Variants in PIK3R3 observed in about 807,000 individuals in gnomAD.
PIK3R3 encodes the protein phosphatidylinositol 3-kinase regulatory subunit gamma.
Under a neutral mutation model 62.9 loss-of-function variants are expected in PIK3R3, and 64 were observed. The ratio of observed to expected loss-of-function variants is 1.02; its 90% CI spans 0.83 to 1.25. The LOEUF (loss-of-function observed/expected upper bound fraction) is 1.25. Ranked by LOEUF, PIK3R3 falls within the 50% of genes most tolerant of loss-of-function variation. The pLI, the probability that PIK3R3 is intolerant of heterozygous loss-of-function variation, is 0.00. For synonymous variants in PIK3R3, 165 were observed against 189.0 expected (o/e 0.87, Z 1.04); for missense variants, 614 against 561.6 (o/e 1.09, Z -0.94).
intron 1 of PIK3R3, among the ~76,000 whole-genome samples, chr1:46,103,321 G>A (rs933487756): frequency 2.0e-5 from 3 of 152,142 alleles, no homozygotes; most frequent in African/African-American, 7.2e-5. Context: ...ACTCACACCT[G>A]TAATCCTAGC....
chr1:46,122,828 T>C (rs1444334553), intron 1 of PIK3R3, among the ~76,000 whole-genome samples: 2 of 152,158 alleles, frequency 1.3e-5, no homozygotes, highest in Non-Finnish European at 2.9e-5. Flanking sequence ...ATGCTGATAA[T>C]AAATAATATT....
chr1:46,083,211 A>G (rs1650765710), intron 1 of PIK3R3, among the ~76,000 whole-genome samples: 1 of 152,274 alleles, frequency 6.6e-6, no homozygotes, highest in Non-Finnish European at 1.5e-5. Context: ...ACATGCAAAA[A>G]GAATGAAGTT....
rs1423950993 is a variant in PIK3R3, at chr1:46,131,978, G to A, written c.-26C>T. The A allele has an allele frequency of 1.9e-6, 3 of 1,608,624 alleles. No individual in the cohort carries two copies. The highest frequency in any genetic ancestry group is 2.2e-5 in the South Asian group (2 of 89,882). ...CGCGCTGTCAGGGGCAGGTCGCCAG[G>A]AGATATATAGAAGGCATATATTTTT... On this transcript the variant is annotated 5_prime_UTR_variant, in exon 1 of 10. Transcript: ENST00000262741.
At chr1:46,160,973 G>A in the PIK3R3 span, among the ~76,000 whole-genome samples, 1 of 152,134 alleles carries the variant, frequency 6.6e-6, no homozygotes, top group African/African-American at 2.4e-5. Context: ...TGTAGTTAAG[G>A]AGATAGTCTG....
At chr1:46,097,686 A>G (rs550383985) in intron 1 of PIK3R3, among the ~76,000 whole-genome samples, 116 of 151,682 alleles carry the variant, frequency 7.6e-4, no homozygotes, top group Admixed American at 2.2e-3. Flanking sequence ...TCAGGAGTTC[A>G]AGACCAGCCT....
At chr1:46,050,382 T>C (rs1647254417) in intron 7 of PIK3R3, among the ~76,000 whole-genome samples, 1 of 151,996 alleles carries the variant, frequency 6.6e-6, no homozygotes, top group African/African-American at 2.4e-5. Context: ...CTGGCCAACA[T>C]GGTGAAACCC....
chr1:46,143,279 G>A, the PIK3R3 span, among the ~76,000 whole-genome samples: 4 of 152,162 alleles, frequency 2.6e-5, no homozygotes, highest in South Asian at 8.3e-4. Flanking sequence ...AATGACCCAG[G>A]CTGGTCAGTC....
chr1:46,164,902 A>T, the PIK3R3 span, among the ~76,000 whole-genome samples: 1 of 151,386 alleles, frequency 6.6e-6, no homozygotes, highest in Non-Finnish European at 1.5e-5. Context: ...TGGCATGATC[A>T]TATCTCGTTG....
intron 6 of PIK3R3, among the ~76,000 whole-genome samples, chr1:46,059,125 T>C (rs1166586505): frequency 1.3e-5 from 2 of 152,246 alleles, no homozygotes; most frequent in African/African-American, 4.8e-5. Flanking sequence ...ATCTTCCTCA[T>C]TCTCTCTTTG....
intron 1 of PIK3R3, among the ~76,000 whole-genome samples, chr1:46,108,993 A>G (rs1221672285): frequency 6.6e-6 from 1 of 152,116 alleles, no homozygotes; most frequent in Non-Finnish European, 1.5e-5. Context: ...CCGTGTCTCT[A>G]CTAAAAATAC....
intron 7 of PIK3R3, among the ~76,000 whole-genome samples, chr1:46,051,058 G>C (rs539656715): frequency 8.8e-4 from 134 of 152,156 alleles, no homozygotes; most frequent in Non-Finnish European, 1.2e-3. Context: ...GAGGTGATAG[G>C]GATGTTAAGT....
chr1:46,141,387 C>T, the PIK3R3 span, among the ~76,000 whole-genome samples: 18 of 152,132 alleles, frequency 1.2e-4, no homozygotes, highest in Non-Finnish European at 2.1e-4. Context: ...TTCATTGCCT[C>T]AGCCTCCCGA....
Position 46,132,025 on chromosome 1 carries a change from A to T in PIK3R3, c.-73T>A. 2 of 1,568,898 alleles carry T rather than the reference A, an allele frequency of 1.3e-6. No individual in the cohort carries two copies. Among genetic ancestry groups the T allele is most frequent in the Non-Finnish European group, 1.7e-6 (2 of 1,159,576 alleles). ...TTTTTATCTGGTATTTAAAAATCTAAAAATATATATCTGCAAAAGTTCCAC... is the reference window on the plus strand; with the variant it reads ...TTTTTATCTGGTATTTAAAAATCTATAAATATATATCTGCAAAAGTTCCAC... On this transcript the variant is annotated 5_prime_UTR_variant, in exon 1 of 10. Transcript: ENST00000262741.
intron 1 of PIK3R3, among the ~76,000 whole-genome samples, chr1:46,103,587 GTAT>G (rs943142741): frequency 3.3e-5 from 5 of 151,500 alleles, no homozygotes; most frequent in Admixed American, 3.3e-4. Context: ...GTTTATGATG[GTAT>G]TATTTATTTA....
chr1:46,153,821 T>C, the PIK3R3 span, among the ~76,000 whole-genome samples: 1 of 152,232 alleles, frequency 6.6e-6, no homozygotes, highest in Non-Finnish European at 1.5e-5. Flanking sequence ...GTGCATGACT[T>C]AGACTCCTAG....
intron 6 of PIK3R3, among the ~76,000 whole-genome samples, chr1:46,059,957 G>A (rs1247555365): frequency 2.0e-5 from 3 of 151,838 alleles, no homozygotes; most frequent in Middle Eastern, 6.9e-3. Flanking sequence ...AAAATCAGCC[G>A]GGTGTGGTGG....
intron 1 of PIK3R3, among the ~76,000 whole-genome samples, chr1:46,107,097 T>C (rs1002265879): frequency 6.6e-6 from 1 of 152,166 alleles, no homozygotes; most frequent in African/African-American, 2.4e-5. Flanking sequence ...AGCTCATGCC[T>C]GTAATCTCAA....
chr1:46,164,844 C>G, the PIK3R3 span, among the ~76,000 whole-genome samples: 1 of 151,920 alleles, frequency 6.6e-6, no homozygotes, highest in South Asian at 2.1e-4. Flanking sequence ...TCCCCCATCC[C>G]TTTTTTTGAG....
At chr1:46,081,604 C>T (rs535422595) in intron 1 of PIK3R3, among the ~76,000 whole-genome samples, 1 of 152,270 alleles carries the variant, frequency 6.6e-6, no homozygotes, top group East Asian at 1.9e-4. Flanking sequence ...AGCCTAACCC[C>T]ACCCCAGCAA....
Sources: gnomAD v4.1 joint callset for allele counts (sites outside exome capture counted in the v4.1 genomes callset) on GRCh38, gnomAD v4.1.1 for gene constraint, MANE v1.5 for transcripts, NCBI Gene and HGNC (gene_info 2026-07-23, HGNC 2026-07-21) for gene names.